The following FOXP2 variants were observed in gnomAD, a reference collection of about 807,000 sequenced individuals.
The protein encoded by FOXP2 is forkhead box protein P2.
A neutral mutation model predicts 115.8 loss-of-function variants in FOXP2; 12 were observed. The observed-to-expected ratio is 0.10, with a 90% confidence interval of 0.07 to 0.17. FOXP2 has a LOEUF of 0.17. Ranked by LOEUF, FOXP2 falls within the 10% of genes least tolerant of loss-of-function variation. The probability of loss-of-function intolerance (pLI) is 1.00; values close to 1 mark genes in which losing one functional copy is unlikely to be tolerated. For synonymous variants in FOXP2, 328 were observed against 297.7 expected (o/e 1.10, Z -1.05); for missense variants, 629 against 843.5 (o/e 0.75, Z 3.15).
chr7:114,590,449 A>T (rs1223331945), intron 3 of FOXP2, among the ~76,000 whole-genome samples: 1 of 152,260 alleles, frequency 6.6e-6, no homozygotes, highest in East Asian at 1.9e-4. Flanking sequence ...AGCCCCTCAC[A>T]GGGTTATAGT....
At chr7:114,256,908 C>T (rs1795628056) in intron 1 of FOXP2, among the ~76,000 whole-genome samples, 1 of 152,196 alleles carries the variant, frequency 6.6e-6, no homozygotes, top group Non-Finnish European at 1.5e-5. Context: ...TCCCATTAAA[C>T]TACCATTGAC....
rs1181899408 is a variant in FOXP2 at position 114,693,449 on chromosome 7, A to T, written c.*3523A>T. On this transcript the variant is annotated 3_prime_UTR_variant, in exon 17 of 17. Transcript: ENST00000350908. ...CAAGTTGGACATTTACATTTTTGAG[A>T]ATTTTGAGACTTCATCTTACACATG... The T allele has an allele frequency of 2.2e-6, 1 of 453,332 alleles. No individual in the cohort carries two copies. The highest frequency in any genetic ancestry group is 2.0e-5 in the African/African-American group (1 of 50,068). 28.1% of individuals were successfully genotyped at this position (453,332 alleles called of 1,614,324 possible).
At chr7:114,186,890 C>T (rs189697609) in intron 1 of FOXP2, among the ~76,000 whole-genome samples, 4 of 152,182 alleles carry the variant, frequency 2.6e-5, no homozygotes, top group Non-Finnish European at 4.4e-5. Context: ...CTCGGGGAGC[C>T]GAGAGATGTG....
intron 1 of FOXP2, among the ~76,000 whole-genome samples, chr7:114,252,961 T>A (rs1795493435): frequency 6.6e-6 from 1 of 152,196 alleles, no homozygotes; most frequent in South Asian, 2.1e-4. Flanking sequence ...CACACTGCTT[T>A]AAATGTGTCC....
At chr7:114,423,980 A>C (rs1793729902) in intron 1 of FOXP2, among the ~76,000 whole-genome samples, 1 of 151,544 alleles carries the variant, frequency 6.6e-6, no homozygotes, top group South Asian at 2.1e-4. Context: ...TCACTGTTAT[A>C]GTTTTCTTAA....
At chr7:114,129,324 C>T (rs1791810124) in intron 1 of FOXP2, among the ~76,000 whole-genome samples, 1 of 152,090 alleles carries the variant, frequency 6.6e-6, no homozygotes, top group Non-Finnish European at 1.5e-5. Flanking sequence ...GCATGTTTGT[C>T]TTGCCATTTG....
chr7:114,200,752 A>G (rs1794038913), intron 1 of FOXP2, among the ~76,000 whole-genome samples: 1 of 152,176 alleles, frequency 6.6e-6, no homozygotes, highest in Non-Finnish European at 1.5e-5. Flanking sequence ...GATTTCCTTC[A>G]ATTTGTTCAT....
chr7:114,093,516 C>T (rs1263426747), intron 1 of FOXP2, among the ~76,000 whole-genome samples: 2 of 152,106 alleles, frequency 1.3e-5, no homozygotes, highest in Admixed American at 6.5e-5. Flanking sequence ...GTGCCTGGCA[C>T]TTGGGAAGAG....
chr7:114,321,476 G>T (rs6466483), intron 2 of FOXP2, among the ~76,000 whole-genome samples: 66,585 of 151,782 alleles, frequency 0.44, 15,008 homozygotes, highest in African/African-American at 0.53. Context: ...GGGATTACAG[G>T]TGTGAGCCAC....
chr7:114,635,780 G>A (rs1366750972), intron 6 of FOXP2, among the ~76,000 whole-genome samples: 3 of 151,854 alleles, frequency 2.0e-5, no homozygotes, highest in Non-Finnish European at 4.4e-5. Context: ...CATCTTGAGA[G>A]GAAGACTCGA....
intron 10 of FOXP2, chr7:114,656,359 AT>A (rs1806588112): frequency 5.8e-6 from 1 of 173,648 alleles, no homozygotes. Flanking sequence ...TTCTTTTCAT[AT>A]TTTTAACATA....
intron 2 of FOXP2, among the ~76,000 whole-genome samples, chr7:114,294,617 G>C (rs1796690162): frequency 6.6e-6 from 1 of 151,912 alleles, no homozygotes; most frequent in African/African-American, 2.4e-5. Flanking sequence ...GAGGCAGGGG[G>C]ATCACCTGAG....
At chr7:114,645,321 C>T (rs939505956) in intron 8 of FOXP2, 2 of 151,050 alleles carry the variant, frequency 1.3e-5, no homozygotes, top group African/African-American at 2.4e-5. Flanking sequence ...AACTACATTT[C>T]ATTTACATTG....
intron 1 of FOXP2, among the ~76,000 whole-genome samples, chr7:114,168,134 G>A (rs1793031598): frequency 1.3e-5 from 2 of 152,112 alleles, no homozygotes; most frequent in Non-Finnish European, 1.5e-5. Flanking sequence ...TATGAGCAGT[G>A]TGAAAATGGA....
At position 114,692,134 on chromosome 7, in the gene FOXP2, T is replaced by C. The variant is rs1319829110; in HGVS notation, c.*2208T>C. The C allele has an allele frequency of 2.2e-6, 1 of 453,804 alleles. No homozygotes were observed. The allele number at this position is 453,804 out of a possible 1,614,324, so 28.1% of individuals were successfully genotyped here. On this transcript the variant is annotated 3_prime_UTR_variant, in exon 17 of 17. Transcript: ENST00000350908. ...TTTTCAGTCATCTAGGATCCTACTGTAAGGATTATCTGAAAGGAAAAATGG... is the reference window on the plus strand; with the variant it reads ...TTTTCAGTCATCTAGGATCCTACTGCAAGGATTATCTGAAAGGAAAAATGG...
intron 2 of FOXP2, among the ~76,000 whole-genome samples, chr7:114,383,972 T>A (rs2129192473): frequency 6.6e-6 from 1 of 152,270 alleles, no homozygotes; most frequent in Admixed American, 6.5e-5. Context: ...CTTTCCCACC[T>A]TTCTTGACCA....
chr7:114,677,531 T>C (rs941902347), intron 16 of FOXP2, among the ~76,000 whole-genome samples: 1 of 152,230 alleles, frequency 6.6e-6, no homozygotes, highest in African/African-American at 2.4e-5. Flanking sequence ...TACATTACTC[T>C]AGGGAATACA....
At chr7:114,677,725 T>C (rs117377241) in intron 16 of FOXP2, among the ~76,000 whole-genome samples, 307 of 152,338 alleles carry the variant, frequency 2.0e-3, no homozygotes, top group Non-Finnish European at 3.1e-3. Flanking sequence ...TCAGTGTAGT[T>C]AGTCCTCTGT....
chr7:114,369,673 T>C (rs1791958407), intron 2 of FOXP2, among the ~76,000 whole-genome samples: 1 of 152,170 alleles, frequency 6.6e-6, no homozygotes, highest in African/African-American at 2.4e-5. Context: ...AACATCAGAA[T>C]ATAGATTTTG....
Sources: allele counts gnomAD v4.1 joint callset (sites outside exome capture counted in the v4.1 genomes callset), GRCh38; gene constraint gnomAD v4.1.1; transcripts MANE v1.5; gene names NCBI Gene and HGNC (gene_info 2026-07-23, HGNC 2026-07-21).